ZMYM2: variants seen among roughly 807,000 people sequenced by gnomAD.
The protein encoded by ZMYM2 is zinc finger MYM-type protein 2.
In ZMYM2, 56 loss-of-function variants were observed where a neutral mutation model predicts 162.8. That is an observed-to-expected ratio of 0.34 (90% CI 0.28 to 0.43). The LOEUF (loss-of-function observed/expected upper bound fraction) is 0.43, where lower values mean the gene tolerates loss of function less well. ZMYM2 is among the 20% of genes least tolerant of loss of function. The probability of loss-of-function intolerance (pLI) is 1.00; values close to 1 mark genes in which losing one functional copy is unlikely to be tolerated. For missense variants in ZMYM2, 1,275 were observed against 1,621.8 expected, an observed-to-expected ratio of 0.79 and a Z score of 3.67; for synonymous variants, 510 against 541.6, an observed-to-expected ratio of 0.94 and a Z score of 0.81.
intron 2 of ZMYM2, among the ~76,000 whole-genome samples, chr13:19,976,758 A>G (rs953869794): frequency 1.3e-5 from 2 of 152,128 alleles, no homozygotes; most frequent in East Asian, 1.9e-4. Context: ...TTAGAAGTCT[A>G]TTGTATGTAT....
chr13:20,040,745 T>TA (rs573156305), intron 12 of ZMYM2, among the ~76,000 whole-genome samples: 106 of 152,334 alleles, frequency 7.0e-4, no homozygotes, highest in Middle Eastern at 3.4e-3. Context: ...CATTTAGTGC[T>TA]ATAAATTTCC....
the ZMYM2 span, among the ~76,000 whole-genome samples, chr13:19,869,094 A>T: frequency 2.6e-4 from 40 of 152,362 alleles, no homozygotes; most frequent in African/African-American, 9.4e-4. Flanking sequence ...CCACTATCAC[A>T]GAATAAAAAT....
Position 20,031,320 on chromosome 13 carries a change from C to T in ZMYM2, c.1853C>T (p.Ala618Val). Residue 618 changes from alanine (A) to valine (V), a missense_variant and splice_region_variant, in exon 10 of 25, where the codon GCT becomes GTT. Around this residue, in one of 10 missense-constraint regions of ZMYM2, gnomAD observed 276 missense variants for 311.8 expected, o/e 0.89. Coordinates refer to ENST00000610343, the MANE Select transcript of ZMYM2 (RefSeq NM_197968.4). ...CNSSCVAKFQ[A>V]LSMQSSPNGQ... ...AGTATCTTTTGTTCTTTGTTTTAGG[C>T]TCTAAGTATGCAGTCATCTCCAAAT... The T allele has an allele frequency of 6.2e-7, 1 of 1,601,458 alleles. No individual in the cohort carries two copies. The highest frequency in any genetic ancestry group is 8.5e-7 in the Non-Finnish European group (1 of 1,175,548).
At chr13:20,083,572 T>C (rs867580680) in intron 23 of ZMYM2, 84 bp from the exon 24 acceptor site, 16 of 1,099,376 alleles carry the variant, frequency 1.5e-5, no homozygotes, top group Middle Eastern at 6.0e-4. Context: ...GGTCCTATTC[T>C]TTGGTATAAC....
At chr13:20,017,765 T>G (rs992391672) in intron 6 of ZMYM2, among the ~76,000 whole-genome samples, 4 of 152,196 alleles carry the variant, frequency 2.6e-5, no homozygotes, top group Admixed American at 6.5e-5. Flanking sequence ...TATCTTCTAT[T>G]TCTTTTCTAG....
chr13:20,012,472 G>A (rs180836671), intron 6 of ZMYM2, among the ~76,000 whole-genome samples: 24 of 152,156 alleles, frequency 1.6e-4, no homozygotes, highest in Non-Finnish European at 3.4e-4. Context: ...GAGCCACCAC[G>A]CCCAGCTGGA....
chr13:19,884,761 A>C, the ZMYM2 span, among the ~76,000 whole-genome samples: 143 of 152,250 alleles, frequency 9.4e-4, no homozygotes, highest in African/African-American at 3.3e-3. Context: ...ACAGCTCTTC[A>C]ACATAGTGCC....
Position 19,996,234 on chromosome 13 carries a change from T to C in ZMYM2, c.847+2315T>C, listed in dbSNP as rs118060213. On this transcript the variant is annotated intron_variant, in intron 3 of 24. Transcript: ENST00000610343. ...TATGAATTGCTAGTTATTTTTCTTATTTGTCGAGTAATGTCTGATTATTGA... is the reference window on the plus strand; with the variant it reads ...TATGAATTGCTAGTTATTTTTCTTACTTGTCGAGTAATGTCTGATTATTGA... Among the ~76,000 whole-genome samples the C allele has an allele frequency of 9.6e-4, 146 of 152,310 alleles. 2 individuals are homozygous for C. Among genetic ancestry groups the C allele is most frequent in the Middle Eastern group, 6.8e-3 (2 of 294 alleles).
chr13:19,929,650 A>T, the ZMYM2 span, among the ~76,000 whole-genome samples: 26 of 150,430 alleles, frequency 1.7e-4, no homozygotes, highest in African/African-American at 6.3e-4. Flanking sequence ...TCTTTTTAAA[A>T]GTGTTTGGAT....
Position 20,031,343 on chromosome 13 carries a change from A to C in ZMYM2, c.1876A>C (p.Asn626His). ...GGCTCTAAGTATGCAGTCATCTCCA[A>C]ATGGCCAGTTTGTAGCGCCAAGTGA... is the stretch of plus-strand genomic sequence containing the variant. ...FQALSMQSSPNGQFVAPSDIQ... is the reference protein window; with the variant it reads ...FQALSMQSSPHGQFVAPSDIQ... Residue 626 changes from asparagine (N) to histidine (H), a missense_variant, in exon 10 of 25, where the codon AAT becomes CAT. By Grantham distance (68) the Asn-to-His change is moderately conservative. This residue lies in a region of ZMYM2 where 276 missense variants were observed against 311.8 expected (regional missense o/e 0.89). Transcript: ENST00000610343. The C allele has an allele frequency of 1.9e-6, 3 of 1,608,962 alleles. No homozygotes were observed. Among genetic ancestry groups the C allele is most frequent in the Non-Finnish European group, 2.5e-6 (3 of 1,178,720 alleles).
intron 6 of ZMYM2, among the ~76,000 whole-genome samples, chr13:20,013,645 G>A (rs116767495): frequency 6.6e-6 from 1 of 152,016 alleles, no homozygotes; most frequent in Non-Finnish European, 1.5e-5. Flanking sequence ...TCATAAAAAG[G>A]TGTTGAATTT....
the ZMYM2 span, among the ~76,000 whole-genome samples, chr13:19,892,310 C>T: frequency 2.6e-5 from 4 of 151,630 alleles, no homozygotes; most frequent in Non-Finnish European, 4.4e-5. Flanking sequence ...CTCACTCTGT[C>T]GCCCAGGCTG....
intron 6 of ZMYM2, among the ~76,000 whole-genome samples, chr13:20,007,836 G>T (rs1228931719): frequency 6.6e-6 from 1 of 151,914 alleles, no homozygotes; most frequent in African/African-American, 2.4e-5. Flanking sequence ...GGCCAGGCTG[G>T]TCTCACACTC....
At chr13:19,974,986 A>C (rs1254400389) in intron 2 of ZMYM2, among the ~76,000 whole-genome samples, 3 of 152,026 alleles carry the variant, frequency 2.0e-5, no homozygotes, top group African/African-American at 4.8e-5. Flanking sequence ...ATTTTTGTAG[A>C]TACATATTTA....
chr13:20,053,214 A>C (rs1471229831), intron 14 of ZMYM2, among the ~76,000 whole-genome samples: 1 of 152,152 alleles, frequency 6.6e-6, no homozygotes, highest in Non-Finnish European at 1.5e-5. Flanking sequence ...GCTCTTTGGG[A>C]GTCATTTATT....
Position 20,027,189 on chromosome 13 carries a change from C to G in ZMYM2, c.1736-14C>G. ...CTTTATAAACAAATCAGATATGTAC[C>G]TTTTCTTTCCTAGGTTTGGGAATTA... On this transcript the variant is annotated splice_polypyrimidine_tract_variant and intron_variant, in intron 8 of 24. Transcript: ENST00000610343. 6.5e-7 allele frequency: 1 copy of G among 1,538,294 alleles called. No homozygotes were observed. The highest frequency in any genetic ancestry group is 8.8e-7 in the Non-Finnish European group (1 of 1,139,222).
At chr13:20,030,676 G>A (rs1461701085) in intron 9 of ZMYM2, among the ~76,000 whole-genome samples, 1 of 151,990 alleles carries the variant, frequency 6.6e-6, no homozygotes, top group Non-Finnish European at 1.5e-5. Context: ...GGGATTACAG[G>A]CATGAGCCAC....
At chr13:20,028,670 G>A (rs998486129) in intron 9 of ZMYM2, among the ~76,000 whole-genome samples, 7 of 152,108 alleles carry the variant, frequency 4.6e-5, no homozygotes, top group Admixed American at 1.3e-4. Flanking sequence ...AAGTCTTCCT[G>A]TGTACTTTAA....
the ZMYM2 span, among the ~76,000 whole-genome samples, chr13:19,889,130 C>T: frequency 0.79 from 119,971 of 151,574 alleles, 50,700 homozygotes; most frequent in East Asian, 0.92. Flanking sequence ...CTACTTAAAT[C>T]CTCAACACTC....
Sources: allele counts gnomAD v4.1 joint callset (sites outside exome capture counted in the v4.1 genomes callset), GRCh38; gene constraint gnomAD v4.1.1; regional missense constraint gnomAD v4.1.1; transcripts MANE v1.5; gene names NCBI Gene and HGNC (gene_info 2026-07-23, HGNC 2026-07-21).